The following ZNF208 variants were observed in gnomAD, a reference collection of about 807,000 sequenced individuals.
ZNF208 encodes zinc finger protein 208.
In ZNF208, 10 loss-of-function variants were observed where a neutral mutation model predicts 12.1. The ratio of observed to expected loss-of-function variants is 0.83; its 90% CI spans 0.51 to 1.40. ZNF208 has a LOEUF of 1.40. Ranked by LOEUF, ZNF208 falls within the 40% of genes most tolerant of loss-of-function variation. ZNF208 has a pLI of 0.00. For missense variants in ZNF208, 1,652 were observed against 1,485.0 expected (o/e 1.11, Z -1.85); for synonymous variants, 497 against 488.4 (o/e 1.02, Z -0.23).
chr19:21,970,438 A>G lies in ZNF208; in HGVS notation c.*753T>C, dbSNP rs1970257588. 6.6e-6 allele frequency among the ~76,000 whole-genome samples: 1 copy of G among 152,196 alleles called. No homozygotes were observed. The highest frequency in any genetic ancestry group is 1.5e-5 in the Non-Finnish European group (1 of 68,024). ...GGCTTGCCACATTCTTCAGATTTGT[A>G]GGGTTTCCCTCCTGTACAAATTCCC... On this transcript the variant is annotated 3_prime_UTR_variant, in exon 4 of 4. Transcript: ENST00000397126.
intron 4 of ZNF208, among the ~76,000 whole-genome samples, chr19:21,960,563 T>A (rs1970047365): frequency 6.6e-6 from 1 of 152,158 alleles, no homozygotes; most frequent in African/African-American, 2.4e-5. Context: ...ACTCTGTGTC[T>A]TAGCAAGCCT....
intron 3 of ZNF208, chr19:21,986,895 A>C: frequency 4.9e-6 from 2 of 408,260 alleles, no homozygotes; most frequent in Non-Finnish European, 8.6e-6. Context: ...GGAGTATCTT[A>C]AAATCATGCA....
chr19:21,974,885 A>AT, intron 3 of ZNF208, 78 bp from the exon 4 acceptor site: 1 of 1,421,958 alleles, frequency 7.0e-7, no homozygotes, highest in Non-Finnish European at 9.2e-7. Context: ...AAACTATAAA[A>AT]TTATTCAAAC....
At chr19:21,991,018 A>G (rs1970724158) in intron 1 of ZNF208, among the ~76,000 whole-genome samples, 1 of 152,134 alleles carries the variant, frequency 6.6e-6, no homozygotes, top group Non-Finnish European at 1.5e-5. Context: ...GAGACAATGG[A>G]GTTTTCTAGA....
chr19:22,004,581 CAACAACAACAAA>C (rs1971013920), intron 1 of ZNF208, among the ~76,000 whole-genome samples: 1 of 151,964 alleles, frequency 6.6e-6, no homozygotes, highest in Admixed American at 6.6e-5. Context: ...TGGCCATAAA[CAACAACAACAAA>C]AAAAACAAGA....
At chr19:21,942,053 T>TA (rs1969750517) in intron 4 of ZNF208, among the ~76,000 whole-genome samples, 1 of 152,244 alleles carries the variant, frequency 6.6e-6, no homozygotes, top group African/African-American at 2.4e-5. Flanking sequence ...GATTGTTTTT[T>TA]AAAAAAATGT....
chr19:21,943,319 T>C (rs1328374095), intron 4 of ZNF208, among the ~76,000 whole-genome samples: 1 of 151,812 alleles, frequency 6.6e-6, no homozygotes, highest in East Asian at 1.9e-4. Context: ...AAAATGTAAA[T>C]AAACAAAAAA....
In ZNF208 at chr19:21,972,513, C is replaced by G; in HGVS notation, c.2521G>C (p.Ala841Pro). ...KPYKCKECGKAFSKFSILTKH... is the reference protein window; with the variant it reads ...KPYKCKECGKPFSKFSILTKH... ...GTAAGGATTGAGAACTTACTAAAGGCTTTGCCACATTCTTTACATTTGTAG... is the reference window on the plus strand; with the variant it reads ...GTAAGGATTGAGAACTTACTAAAGGGTTTGCCACATTCTTTACATTTGTAG... Residue 841 changes from alanine to proline, a missense_variant, in exon 4 of 4, where the codon GCC becomes CCC. Physicochemically the swap from Ala to Pro is conservative, Grantham distance 27. Transcript: ENST00000397126. 6 of 1,611,614 alleles carry G rather than the reference C, an allele frequency of 3.7e-6. No individual in the cohort carries two copies. In the South Asian group the frequency reaches 5.5e-5, roughly 15 times the overall value.
chr19:21,992,503 T>C (rs1430759949), intron 1 of ZNF208, among the ~76,000 whole-genome samples: 2 of 152,226 alleles, frequency 1.3e-5, no homozygotes, highest in African/African-American at 2.4e-5. Flanking sequence ...ATAAATACCA[T>C]ACTGCTTCAA....
intron 1 of ZNF208, among the ~76,000 whole-genome samples, chr19:22,003,939 T>C (rs1167657797): frequency 1.3e-5 from 2 of 151,778 alleles, no homozygotes; most frequent in South Asian, 2.1e-4. Context: ...GGGGATGAGC[T>C]AGGTGGATTG....
intron 2 of ZNF208, among the ~76,000 whole-genome samples, 159 bp from the exon 3 acceptor site, chr19:21,987,470 T>C (rs1237146398): frequency 6.6e-6 from 1 of 152,198 alleles, no homozygotes; most frequent in Non-Finnish European, 1.5e-5. Context: ...GGGGTGCCTG[T>C]ATAAGCTGGC....
Position 21,971,842 on chromosome 19 carries a change from T to C in ZNF208, c.3192A>G (p.Lys1064=). 6.2e-7 allele frequency: 1 copy of C among 1,613,722 alleles called. No individual in the cohort carries two copies. The highest frequency in any genetic ancestry group is 1.1e-5 in the South Asian group (1 of 90,992). ...TAAGTCTTGAGGGCCAGCTGAAGGC[T>C]TTGCCACATTCTTCACATTTGTAGG... is the stretch of plus-strand genomic sequence containing the variant. The part of the protein sequence containing the change: ...EKPYKCEECG[K]AFSWPSRLTE... The change falls in exon 4 of 4, where the codon AAA becomes AAG. Residue 1064 remains lysine (K), a synonymous_variant. Coordinates refer to ENST00000397126, the MANE Select transcript of ZNF208 (RefSeq NM_007153.3).
chr19:21,949,328 G>C (rs564387617), intron 4 of ZNF208, among the ~76,000 whole-genome samples: 1 of 152,266 alleles, frequency 6.6e-6, no homozygotes, highest in South Asian at 2.1e-4. Context: ...AGGGAATATA[G>C]GGCCTCAAAA....
intron 4 of ZNF208, among the ~76,000 whole-genome samples, chr19:21,943,522 A>C (rs755664205): frequency 4.6e-5 from 7 of 152,338 alleles, no homozygotes; most frequent in Non-Finnish European, 8.8e-5. Flanking sequence ...ACTGCTTTGT[A>C]CTAAGAATAA....
At chr19:21,979,246 C>T (rs1230132441) in intron 3 of ZNF208, among the ~76,000 whole-genome samples, 5 of 152,070 alleles carry the variant, frequency 3.3e-5, no homozygotes, top group Non-Finnish European at 1.5e-5. Flanking sequence ...AGATGCTCCT[C>T]GAGAAGAGCA....
chr19:21,983,328 C>G (rs537396877), intron 3 of ZNF208, among the ~76,000 whole-genome samples: 1 of 151,142 alleles, frequency 6.6e-6, no homozygotes, highest in African/African-American at 2.4e-5. Flanking sequence ...CCAGTTAGAA[C>G]GGCGATCATT....
chr19:21,956,345 AC>A lies in ZNF208; in HGVS notation c.305+18383del, dbSNP rs542949528. Among the ~76,000 whole-genome samples the A allele has an allele frequency of 2.0e-5, 3 of 152,292 alleles. No individual in the cohort carries two copies. The South Asian group carries it at 6.2e-4, about 32-fold the overall frequency. On this transcript the variant is annotated intron_variant, in intron 4 of 4. Transcript: ENST00000599916. ...TATCTCAAAACTCTGTGCTGGGAGA[AC>A]CACTACTCTCTTCAAAGCTGTCAGA... is the stretch of plus-strand genomic sequence containing the variant.
intron 4 of ZNF208, among the ~76,000 whole-genome samples, chr19:21,945,798 A>G (rs1351358731): frequency 2.0e-5 from 3 of 152,168 alleles, no homozygotes; most frequent in Non-Finnish European, 2.9e-5. Flanking sequence ...ACTAGCATTG[A>G]GAGACATTAG....
In ZNF208 at chr19:21,971,546, T is replaced by C. The variant is rs1970284190; in HGVS notation, c.3488A>G (p.His1163Arg). 1 of 1,610,836 alleles carries C rather than the reference T, an allele frequency of 6.2e-7. No homozygotes were observed. The highest frequency in any genetic ancestry group is 8.5e-7 in the Non-Finnish European group (1 of 1,179,852). Residue 1163 changes from histidine to arginine, a missense_variant, in exon 4 of 4, where the codon CAT becomes CGT. Coordinates refer to ENST00000397126, the MANE Select transcript of ZNF208 (RefSeq NM_007153.3). ...ACATTTGTAGGGTTTCTCTACAGTA[T>C]GAATTTTCTTATGATAACTAAGGGT... ...SSTLSYHKKI[H>R]TVEKPYKCEE...
Sources: allele counts gnomAD v4.1 joint callset (sites outside exome capture counted in the v4.1 genomes callset), GRCh38; gene constraint gnomAD v4.1.1; transcripts MANE v1.5; gene names NCBI Gene and HGNC (gene_info 2026-07-23, HGNC 2026-07-21).